Variants in TMEM132E observed in about 807,000 individuals in gnomAD.
The protein encoded by TMEM132E is transmembrane protein 132E.
TMEM132E carries 49 observed loss-of-function variants against 78.5 expected under a neutral mutation model. The observed-to-expected ratio is 0.62, with a 90% CI of 0.50 to 0.79. The LOEUF is 0.79. Among genes scored for constraint, TMEM132E ranks in the 30% least tolerant of loss-of-function variants. The probability of loss-of-function intolerance (pLI) is 0.00; values close to 1 mark genes in which losing one functional copy is unlikely to be tolerated. For synonymous variants in TMEM132E, 715 were observed against 670.6 expected (o/e 1.07, Z -1.02); for missense variants, 1,403 against 1,470.9 (o/e 0.95, Z 0.75).
chr17:34,613,181 ACACACACACACACACC>A (rs1278452177), intron 1 of TMEM132E, among the ~76,000 whole-genome samples: 2 of 101,984 alleles, frequency 2.0e-5, no homozygotes, highest in African/African-American at 3.1e-5. Context: ...CTCTACACAC[ACACACACACACACACC>A]CACACACACA....
chr17:34,588,315 A>C (rs1905749570), intron 1 of TMEM132E, among the ~76,000 whole-genome samples: 1 of 152,166 alleles, frequency 6.6e-6, no homozygotes, highest in African/African-American at 2.4e-5. Flanking sequence ...CCGTGGTTTT[A>C]ATTCTGCATT....
chr17:34,636,289 A>G, intron 8 of TMEM132E, 91 bp downstream of exon 8: 1 of 1,235,914 alleles, frequency 8.1e-7, no homozygotes, highest in South Asian at 2.3e-5. Context: ...AAGAGTCCCC[A>G]TATTAGGGCT....
At chr17:34,603,729 C>A (rs978870425) in intron 1 of TMEM132E, among the ~76,000 whole-genome samples, 1 of 152,202 alleles carries the variant, frequency 6.6e-6, no homozygotes, top group Non-Finnish European at 1.5e-5. Flanking sequence ...GCCTTCTCAG[C>A]CTCATGGTGG....
chr17:34,585,915 A>G (rs1249613049), intron 1 of TMEM132E, among the ~76,000 whole-genome samples: 1 of 152,230 alleles, frequency 6.6e-6, no homozygotes, highest in Non-Finnish European at 1.5e-5. Context: ...CACAGTCCTC[A>G]GGATACAGGA....
chr17:34,602,347 C>T (rs1213602975), intron 1 of TMEM132E, among the ~76,000 whole-genome samples: 4 of 152,230 alleles, frequency 2.6e-5, no homozygotes, highest in African/African-American at 9.6e-5. Flanking sequence ...TGACACAAGG[C>T]TCTGTCCATT....
At chr17:34,611,956 C>T (rs969712403) in intron 1 of TMEM132E, among the ~76,000 whole-genome samples, 1 of 152,162 alleles carries the variant, frequency 6.6e-6, no homozygotes, top group African/African-American at 2.4e-5. Flanking sequence ...CTAACTGTCC[C>T]AGTTGGCCTG....
intron 1 of TMEM132E, among the ~76,000 whole-genome samples, chr17:34,602,403 G>T (rs1297318282): frequency 6.6e-6 from 1 of 152,190 alleles, no homozygotes; most frequent in African/African-American, 2.4e-5. Context: ...CCATCTCTGG[G>T]ATCCCAGGAG....
chr17:34,618,354 C>T (rs1258728159), intron 1 of TMEM132E, among the ~76,000 whole-genome samples: 1 of 151,726 alleles, frequency 6.6e-6, no homozygotes, highest in Non-Finnish European at 1.5e-5. Flanking sequence ...CCTCCTGTCT[C>T]AGCCTCCCAA....
chr17:34,600,017 C>G (rs1906184088), intron 1 of TMEM132E, among the ~76,000 whole-genome samples: 1 of 152,160 alleles, frequency 6.6e-6, no homozygotes, highest in Non-Finnish European at 1.5e-5. Flanking sequence ...GAGGACAGGA[C>G]CCCAGGAAGG....
intron 1 of TMEM132E, among the ~76,000 whole-genome samples, chr17:34,609,110 G>C (rs1906509082): frequency 6.6e-6 from 1 of 152,278 alleles, no homozygotes; most frequent in South Asian, 2.1e-4. Flanking sequence ...TTTGTAAAAT[G>C]GGGGTGAATC....
At chr17:34,621,701 T>G (rs1354931138) in intron 1 of TMEM132E, among the ~76,000 whole-genome samples, 1 of 152,082 alleles carries the variant, frequency 6.6e-6, no homozygotes, top group African/African-American at 2.4e-5. Context: ...CAGGGCAAGC[T>G]GGGGTCAAAA....
At chr17:34,593,246 T>TTA (rs113655725) in intron 1 of TMEM132E, among the ~76,000 whole-genome samples, 6 of 151,004 alleles carry the variant, frequency 4.0e-5, no homozygotes, top group Admixed American at 1.3e-4. Context: ...ATCTCTACAT[T>TTA]AAAAAAAAAT....
intron 1 of TMEM132E, among the ~76,000 whole-genome samples, chr17:34,596,508 G>A (rs987146809): frequency 3.9e-5 from 6 of 152,112 alleles, no homozygotes; most frequent in African/African-American, 1.2e-4. Flanking sequence ...CTTGGTCCCA[G>A]TGCCATCAAA....
rs1264632363 is a variant in TMEM132E, at chr17:34,579,788, C to G, written c.-1289C>G. The G allele has an allele frequency of 6.6e-6, 1 of 152,258 alleles. No individual in the cohort carries two copies. Among genetic ancestry groups the G allele is most frequent in the Non-Finnish European group, 1.5e-5 (1 of 68,094 alleles). The allele number at this position is 152,258 out of a possible 1,614,324, so 9.4% of individuals were successfully genotyped here. A position where few individuals can be genotyped will look rare whatever the true frequency, so the allele number is the denominator to read the frequency against. On this transcript the variant is annotated 5_prime_UTR_variant, in exon 1 of 9. Transcript: ENST00000631683. The stretch of plus-strand genomic sequence containing the variant: ...CCCGTAGGCACCAGCTGCCGCTTCC[C>G]TGGCCGCAAGCTGCGCAGGTGCCGG...
intron 1 of TMEM132E, among the ~76,000 whole-genome samples, chr17:34,613,224 C>T (rs1056231509): frequency 1.3e-5 from 2 of 151,532 alleles, no homozygotes; most frequent in African/African-American, 2.4e-5. Flanking sequence ...CGCGCGCGCG[C>T]GCGTTCTTAC....
At chr17:34,600,024 A>G (rs1431911961) in intron 1 of TMEM132E, among the ~76,000 whole-genome samples, 1 of 152,230 alleles carries the variant, frequency 6.6e-6, no homozygotes, top group Non-Finnish European at 1.5e-5. Flanking sequence ...GGACCCCAGG[A>G]AGGAAGAAGA....
At chr17:34,589,975 G>T (rs750995915) in intron 1 of TMEM132E, among the ~76,000 whole-genome samples, 1 of 152,194 alleles carries the variant, frequency 6.6e-6, no homozygotes, top group Non-Finnish European at 1.5e-5. Flanking sequence ...GCTGTACTCG[G>T]CAGGATAAAA....
rs1433619237 is a variant in TMEM132E at position 34,580,788 on chromosome 17, G to C, written c.-289G>C. On this transcript the variant is annotated 5_prime_UTR_variant, in exon 1 of 9. Coordinates refer to ENST00000631683, the MANE Select transcript of TMEM132E (RefSeq NM_001304438.2). ...GCGGCCACCGGGCTCCGGACTGCAC[G>C]TGCAGCTCCCCCCGCGCCTCGCAGA... 2 of 370,826 alleles carry C rather than the reference G, an allele frequency of 5.4e-6. No homozygotes were observed. The highest frequency in any genetic ancestry group is 1.2e-4 in the South Asian group (2 of 16,102). The allele number at this position is 370,826 out of a possible 1,614,324, so 23.0% of individuals were successfully genotyped here.
chr17:34,627,057 G>A lies in TMEM132E; in HGVS notation c.998G>A (p.Arg333Lys). Residue 333 changes from arginine to lysine, a missense_variant and splice_region_variant, in exon 2 of 9, where the codon AGG (arginine) becomes AAG (lysine). By Grantham distance (26) the Arg-to-Lys change is conservative. Coordinates refer to ENST00000631683, the MANE Select transcript of TMEM132E (RefSeq NM_001304438.2). ...SSPSVEHFTL[R>K]VKAKKGVTLL... ...CCCAGCGTGGAGCACTTCACACTCAGGTAGTAGGGAAGATGGGTGGGGATC... is the reference window on the plus strand; with the variant it reads ...CCCAGCGTGGAGCACTTCACACTCAAGTAGTAGGGAAGATGGGTGGGGATC... 1 of 1,613,014 alleles carries A rather than the reference G, an allele frequency of 6.2e-7. No homozygotes were observed. The highest frequency in any genetic ancestry group is 8.5e-7 in the Non-Finnish European group (1 of 1,179,502).
Sources: gnomAD v4.1 joint callset for allele counts (sites outside exome capture counted in the v4.1 genomes callset) on GRCh38, gnomAD v4.1.1 for gene constraint, MANE v1.5 for transcripts, NCBI Gene and HGNC (gene_info 2026-07-23, HGNC 2026-07-21) for gene names.